The following NELL1 variants were observed in gnomAD, a reference collection of about 807,000 sequenced individuals.
NELL1 encodes the protein neural EGFL like 1.
NELL1 carries 76 observed loss-of-function variants against 107.4 expected under a neutral mutation model. The observed-to-expected ratio is 0.71, with a 90% CI of 0.59 to 0.86. NELL1 has a LOEUF of 0.86. Among genes scored for constraint, NELL1 ranks in the 40% least tolerant of loss-of-function variants. The pLI is 0.00. For synonymous variants in NELL1, 353 were observed against 341.2 expected (o/e 1.03, Z -0.38); for missense variants, 1,024 against 1,005.5 (o/e 1.02, Z -0.25).
intron 2 of NELL1, among the ~76,000 whole-genome samples, chr11:20,697,247 G>A (rs1374226402): frequency 6.6e-6 from 1 of 152,074 alleles, no homozygotes; most frequent in African/African-American, 2.4e-5. Flanking sequence ...GCTTTGAGTG[G>A]TACTCAGAGG....
chr11:20,976,683 C>T (rs1234131316), intron 12 of NELL1, among the ~76,000 whole-genome samples: 1 of 152,124 alleles, frequency 6.6e-6, no homozygotes, highest in Non-Finnish European at 1.5e-5. Flanking sequence ...TATTGTAATT[C>T]ACACATGAAA....
intron 12 of NELL1, among the ~76,000 whole-genome samples, chr11:21,008,747 T>G (rs1046959887): frequency 6.6e-6 from 1 of 152,138 alleles, no homozygotes; most frequent in East Asian, 1.9e-4. Flanking sequence ...CTGTGGGGTC[T>G]GGGGCAGAGA....
rs756713422 is a variant in NELL1, at chr11:21,538,638, T to C, written c.1786+4124T>C. 3.9e-5 allele frequency among the ~76,000 whole-genome samples: 6 copies of C among 152,066 alleles called. No homozygotes were observed. The East Asian group carries it at 5.8e-4, about 15-fold the overall frequency. On this transcript the variant is annotated intron_variant, in intron 16 of 19. Coordinates refer to ENST00000357134, the MANE Select transcript of NELL1 (RefSeq NM_006157.5). ...GATTTGTTGGCACTGTAGGGTACAA[T>C]GCACTCTGTGTTTTGATGCAGTGGT...
chr11:21,573,775 G>A (rs1340658216), intron 19 of NELL1, among the ~76,000 whole-genome samples: 1 of 151,530 alleles, frequency 6.6e-6, no homozygotes, highest in African/African-American at 2.4e-5. Context: ...AAGGAAGGAA[G>A]GGAGGGAGGG....
intron 14 of NELL1, among the ~76,000 whole-genome samples, chr11:21,297,655 A>T (rs1045550702): frequency 3.3e-5 from 5 of 152,040 alleles, no homozygotes; most frequent in Non-Finnish European, 5.9e-5. Context: ...TTTGAGCCAT[A>T]AACTGTGCAA....
chr11:21,003,123 A>G (rs1487570847), intron 12 of NELL1, among the ~76,000 whole-genome samples: 1 of 152,148 alleles, frequency 6.6e-6, no homozygotes, highest in East Asian at 1.9e-4. Flanking sequence ...AGCATTTCCT[A>G]TGTTCCAGGA....
intron 2 of NELL1, among the ~76,000 whole-genome samples, chr11:20,711,416 T>C (rs1855110496): frequency 6.6e-6 from 1 of 152,178 alleles, no homozygotes; most frequent in Non-Finnish European, 1.5e-5. Context: ...GTTCTATTCA[T>C]CATGTTGTTG....
chr11:21,180,313 G>A (rs1429466312), intron 13 of NELL1, among the ~76,000 whole-genome samples: 2 of 151,692 alleles, frequency 1.3e-5, no homozygotes, highest in African/African-American at 4.9e-5. Context: ...CAAATCAGCG[G>A]GTGTTAATTG....
intron 2 of NELL1, among the ~76,000 whole-genome samples, chr11:20,732,450 G>C (rs1855668471): frequency 1.3e-5 from 2 of 152,140 alleles, no homozygotes; most frequent in South Asian, 4.1e-4. Context: ...ACTACCAGCA[G>C]AGTCTAGCTG....
intron 14 of NELL1, among the ~76,000 whole-genome samples, chr11:21,289,949 C>A (rs577194608): frequency 6.6e-6 from 1 of 152,314 alleles, no homozygotes; most frequent in East Asian, 1.9e-4. Context: ...TAGATTCCTC[C>A]TCTCTGGGAG....
At chr11:21,384,757 C>T (rs1851700082) in intron 15 of NELL1, among the ~76,000 whole-genome samples, 1 of 151,912 alleles carries the variant, frequency 6.6e-6, no homozygotes, top group African/African-American at 2.4e-5. Context: ...TCATCCATGT[C>T]CCTACAAAGG....
intron 10 of NELL1, among the ~76,000 whole-genome samples, chr11:20,943,002 T>G (rs1050864837): frequency 6.6e-6 from 1 of 151,918 alleles, no homozygotes; most frequent in Non-Finnish European, 1.5e-5. Flanking sequence ...TATCACTTAC[T>G]ACTATTACTG....
chr11:20,981,048 T>C (rs1851739101), intron 12 of NELL1, among the ~76,000 whole-genome samples: 1 of 152,242 alleles, frequency 6.6e-6, no homozygotes, highest in Non-Finnish European at 1.5e-5. Context: ...AATAGTCATA[T>C]AACATGAGTT....
chr11:20,969,193 G>T lies in NELL1; in HGVS notation c.1300+8633G>T, dbSNP rs967068353. On this transcript the variant is annotated intron_variant, in intron 12 of 19. Transcript: ENST00000357134. ...TCACTTTCCTGTTGTATCATCTCCA[G>T]GCTTCCCTGTGCCCCCCACTGTATC... 2.0e-5 allele frequency among the ~76,000 whole-genome samples: 3 copies of T among 152,004 alleles called. 1 individual carries two copies. In the South Asian group the frequency reaches 6.2e-4, roughly 32 times the overall value.
intron 14 of NELL1, among the ~76,000 whole-genome samples, chr11:21,353,710 G>C (rs960039986): frequency 6.6e-6 from 1 of 152,120 alleles, no homozygotes; most frequent in African/African-American, 2.4e-5. Context: ...CCAAAGAAAG[G>C]TCGAATATAT....
At chr11:20,830,648 T>G (rs1317468350) in intron 3 of NELL1, among the ~76,000 whole-genome samples, 1 of 152,106 alleles carries the variant, frequency 6.6e-6, no homozygotes, top group Non-Finnish European at 1.5e-5. Flanking sequence ...TGAAATAGCT[T>G]TTGTAGACTC....
rs143227681 is a variant in NELL1 at position 20,865,813 on chromosome 11, C to G, written c.506+18060C>G. 6.2e-3 allele frequency among the ~76,000 whole-genome samples: 946 copies of G among 152,258 alleles called. 6 individuals carry two copies. Among genetic ancestry groups the G allele is most frequent in the African/African-American group, 0.022 (907 of 41,558 alleles). On this transcript the variant is annotated intron_variant, in intron 4 of 19. Transcript: ENST00000357134. The stretch of plus-strand genomic sequence containing the variant: ...GTTTATGTACTCCTTGCCTGTACTT[C>G]TGTAAACAATGCCGTTTAATCTATT...
intron 2 of NELL1, among the ~76,000 whole-genome samples, chr11:20,713,635 T>C (rs1855167431): frequency 6.6e-6 from 1 of 152,170 alleles, no homozygotes. Context: ...CCTGTGCTCA[T>C]ATCTGCAGCA....
chr11:21,130,210 C>T (rs1350499862), intron 13 of NELL1, among the ~76,000 whole-genome samples: 1 of 152,054 alleles, frequency 6.6e-6, no homozygotes, highest in Non-Finnish European at 1.5e-5. Context: ...CCAATCAGCC[C>T]TTCTCTATCC....
Sources: allele counts gnomAD v4.1 joint callset (sites outside exome capture counted in the v4.1 genomes callset), GRCh38; gene constraint gnomAD v4.1.1; transcripts MANE v1.5; gene names NCBI Gene and HGNC (gene_info 2026-07-23, HGNC 2026-07-21).